The following SORCS2 variants were observed in gnomAD, a reference collection of about 807,000 sequenced individuals.
The protein encoded by SORCS2 is sortilin related VPS10 domain containing receptor 2, also known as VPS10 domain-containing receptor SorCS2.
In SORCS2, 100 loss-of-function variants were observed where a neutral mutation model predicts 141.6. That is an observed-to-expected ratio of 0.71 (90% CI 0.60 to 0.83). SORCS2 has a LOEUF of 0.83. Among genes scored for constraint, SORCS2 ranks in the 40% least tolerant of loss-of-function variants. SORCS2 has a pLI of 0.00. For synonymous variants in SORCS2, 789 were observed against 676.9 expected, an observed-to-expected ratio of 1.17 and a Z score of -2.57; for missense variants, 1,646 against 1,560.2, an observed-to-expected ratio of 1.05 and a Z score of -0.93.
chr4:7,223,702 G>A (rs937632366), intron 1 of SORCS2, among the ~76,000 whole-genome samples: 1 of 152,120 alleles, frequency 6.6e-6, no homozygotes, highest in African/African-American at 2.4e-5. Context: ...AGCTCTCAGT[G>A]CAGGTGCCTC....
At chr4:7,710,273 G>A (rs1236494401) in intron 14 of SORCS2, among the ~76,000 whole-genome samples, 1 of 152,164 alleles carries the variant, frequency 6.6e-6, no homozygotes, top group African/African-American at 2.4e-5. Flanking sequence ...TCCAGGAGGT[G>A]GCCTGAAGCT....
At chr4:7,541,428 T>A (rs569419758) in intron 3 of SORCS2, among the ~76,000 whole-genome samples, 43 of 152,334 alleles carry the variant, frequency 2.8e-4, no homozygotes, top group Non-Finnish European at 4.6e-4. Context: ...GACATGCATT[T>A]GCAAATTGAG....
At chr4:7,243,980 A>G (rs6446586) in intron 1 of SORCS2, among the ~76,000 whole-genome samples, 16,942 of 152,198 alleles carry the variant, frequency 0.11, 1,400 homozygotes, top group African/African-American at 0.23. Flanking sequence ...CCATGGCCAG[A>G]AGGAAATGCT....
chr4:7,317,471 C>T (rs531981096), intron 1 of SORCS2, among the ~76,000 whole-genome samples: 1 of 152,332 alleles, frequency 6.6e-6, no homozygotes, highest in Non-Finnish European at 1.5e-5. Flanking sequence ...AATCTGGGCC[C>T]CCTCTGGGCG....
At chr4:7,576,043 A>G (rs1473375308) in intron 3 of SORCS2, among the ~76,000 whole-genome samples, 1 of 152,248 alleles carries the variant, frequency 6.6e-6, no homozygotes, top group Non-Finnish European at 1.5e-5. Flanking sequence ...CAGTGAACAA[A>G]CAAGACTTCA....
At chr4:7,343,607 T>C (rs1212715344) in intron 1 of SORCS2, among the ~76,000 whole-genome samples, 3 of 152,210 alleles carry the variant, frequency 2.0e-5, no homozygotes, top group African/African-American at 4.8e-5. Context: ...CTGGGGCAGA[T>C]GCCTGGCTTC....
chr4:7,246,419 A>G (rs938328083), intron 1 of SORCS2, among the ~76,000 whole-genome samples: 2 of 151,200 alleles, frequency 1.3e-5, no homozygotes, highest in Non-Finnish European at 2.9e-5. Context: ...GAACCCACAC[A>G]TCTCACTCGG....
At chr4:7,316,671 G>T (rs996111570) in intron 1 of SORCS2, among the ~76,000 whole-genome samples, 3 of 152,212 alleles carry the variant, frequency 2.0e-5, no homozygotes, top group African/African-American at 7.2e-5. Context: ...GGATGACAAG[G>T]GTGAATTATG....
At chr4:7,736,972 C>T (rs1712229771) in intron 25 of SORCS2, 97 bp from the exon 26 acceptor site, 3 of 1,479,552 alleles carry the variant, frequency 2.0e-6, no homozygotes, top group African/African-American at 2.8e-5. Flanking sequence ...GCACCGTGCA[C>T]CACACTCGGT....
chr4:7,701,268 G>C lies in SORCS2; in HGVS notation c.1669-2012G>C, dbSNP rs374272689. The stretch of plus-strand genomic sequence containing the variant: ...AGGAGAGAGGAGGGAGGGAAGAAGA[G>C]GGAGGGAGGGAGACGGGAAGAGGGA... On this transcript the variant is annotated intron_variant, in intron 12 of 26. Transcript: ENST00000507866. 2.0e-5 allele frequency among the ~76,000 whole-genome samples: 3 copies of C among 151,908 alleles called. 1 individual carries two copies. Among genetic ancestry groups the C allele is most frequent in the East Asian group, 3.9e-4 (2 of 5,160 alleles).
chr4:7,533,358 A>T (rs1195828153), intron 3 of SORCS2, among the ~76,000 whole-genome samples: 2 of 152,148 alleles, frequency 1.3e-5, no homozygotes, highest in African/African-American at 4.8e-5. Context: ...TGAGACAAAG[A>T]TGAGTGGCTG....
chr4:7,672,801 C>T (rs997951791), intron 8 of SORCS2, among the ~76,000 whole-genome samples: 5 of 152,188 alleles, frequency 3.3e-5, no homozygotes, highest in Non-Finnish European at 7.3e-5. Context: ...GCTTTCTTTG[C>T]AACTACATGT....
chr4:7,670,826 G>A (rs76018668), intron 8 of SORCS2, among the ~76,000 whole-genome samples: 3,930 of 152,252 alleles, frequency 0.026, 159 homozygotes, highest in African/African-American at 0.088. Flanking sequence ...GGGTGCAGGG[G>A]TGCCATAAGG....
rs1359584683 is a variant in SORCS2 at position 7,740,687 on chromosome 4, C to G, written c.*423C>G. The G allele has an allele frequency of 3.5e-6, 1 of 284,874 alleles. No individual in the cohort carries two copies. The highest frequency in any genetic ancestry group is 5.9e-5 in the East Asian group (1 of 16,880). The allele number at this position is 284,874 out of a possible 1,614,324, so 17.6% of individuals were successfully genotyped here. A position where few individuals can be genotyped will look rare whatever the true frequency, so the allele number is the denominator to read the frequency against. On this transcript the variant is annotated 3_prime_UTR_variant, in exon 27 of 27. Coordinates refer to ENST00000507866, the MANE Select transcript of SORCS2 (RefSeq NM_020777.3). ...GCTCCTTCCCCGCAGAGGCCGGGGCCTCCCTGACTTTGCTTCTTCACTCCC... is the reference window on the plus strand; with the variant it reads ...GCTCCTTCCCCGCAGAGGCCGGGGCGTCCCTGACTTTGCTTCTTCACTCCC...
At chr4:7,401,221 G>T (rs998190021) in intron 2 of SORCS2, among the ~76,000 whole-genome samples, 3 of 151,640 alleles carry the variant, frequency 2.0e-5, no homozygotes, top group African/African-American at 7.3e-5. Context: ...ATGGGTGGGT[G>T]GATGGATGGA....
At chr4:7,501,624 G>T (rs1731981157) in intron 2 of SORCS2, among the ~76,000 whole-genome samples, 1 of 152,360 alleles carries the variant, frequency 6.6e-6, no homozygotes, top group South Asian at 2.1e-4. Context: ...CGGTCTTCCT[G>T]TGTACAAGGC....
intron 2 of SORCS2, among the ~76,000 whole-genome samples, chr4:7,415,334 A>T (rs1319254750): frequency 6.6e-6 from 1 of 152,188 alleles, no homozygotes; most frequent in Non-Finnish European, 1.5e-5. Context: ...GAAAGAATCC[A>T]TTCTCTTGCC....
Position 7,715,459 on chromosome 4 carries a change from C to A in SORCS2, c.2252+148C>A, listed in dbSNP as rs59540030. ...AGAGGTCAAAGTTGAGGATGCCCCACGCTCACAGCACAGAGCCTGGCTGCG... is the reference window on the plus strand; with the variant it reads ...AGAGGTCAAAGTTGAGGATGCCCCAAGCTCACAGCACAGAGCCTGGCTGCG... On this transcript the variant is annotated intron_variant, in intron 17 of 26. Transcript: ENST00000507866. The A allele has an allele frequency of 0.01, 12,336 of 1,196,312 alleles. 486 individuals carry two copies. In the East Asian group the frequency reaches 0.12, roughly 11 times the overall value. The allele number at this position is 1,196,312 out of a possible 1,614,324, so 74.1% of individuals were successfully genotyped here. A position where few individuals can be genotyped will look rare whatever the true frequency, so the allele number is the denominator to read the frequency against.
At chr4:7,495,111 C>T (rs73212579) in intron 2 of SORCS2, among the ~76,000 whole-genome samples, 7,244 of 152,328 alleles carry the variant, frequency 0.048, 187 homozygotes, top group East Asian at 0.085. Context: ...TGCCTGTCAG[C>T]GGTGCTGGTA....
Sources: gnomAD v4.1 joint callset for allele counts (sites outside exome capture counted in the v4.1 genomes callset) on GRCh38, gnomAD v4.1.1 for gene constraint, MANE v1.5 for transcripts, NCBI Gene and HGNC (gene_info 2026-07-23, HGNC 2026-07-21) for gene names.